The following PCDHA8 variants were observed in gnomAD, a reference collection of about 807,000 sequenced individuals.
The protein encoded by PCDHA8 is protocadherin alpha 8, also known as protocadherin alpha-8.
Under a neutral mutation model 61.8 loss-of-function variants are expected in PCDHA8, and 53 were observed. The ratio of observed to expected loss-of-function variants is 0.86; its 90% CI spans 0.69 to 1.08. The LOEUF is 1.08. PCDHA8 is among the 50% of genes least tolerant of loss of function. PCDHA8 has a pLI of 0.00. For synonymous variants in PCDHA8, 618 were observed against 556.6 expected (o/e 1.11, Z -1.55); for missense variants, 1,293 against 1,245.0 (o/e 1.04, Z -0.58).
intron 1 of PCDHA8, among the ~76,000 whole-genome samples, chr5:140,946,691 G>A (rs782114019): frequency 3.4e-5 from 5 of 147,578 alleles, no homozygotes; most frequent in African/African-American, 5.1e-5. Context: ...TGACAATATG[G>A]ATGAATCTGG....
In PCDHA8 at chr5:141,006,360, C is replaced by T. The variant is rs898915080; in HGVS notation, c.2543-3267C>T. ...CTGAGTAGCTGGGACTATAGGCGCC[C>T]ACCACCACGCCCGGCTAAGTTTTTT... On this transcript the variant is annotated intron_variant, in intron 3 of 3. Coordinates refer to ENST00000531613, the MANE Select transcript of PCDHA8 (RefSeq NM_018911.3). Among the ~76,000 whole-genome samples, 9 of 151,982 alleles carry T rather than the reference C, an allele frequency of 5.9e-5. 1 individual carries two copies. The highest frequency in any genetic ancestry group is 1.2e-4 in the Non-Finnish European group (8 of 67,998).
intron 1 of PCDHA8, chr5:140,864,013 A>T: frequency 6.5e-6 from 1 of 153,164 alleles, no homozygotes; most frequent in South Asian, 2.1e-4. Flanking sequence ...AAAAAAAAGT[A>T]CATTGGAAGT....
intron 1 of PCDHA8, among the ~76,000 whole-genome samples, chr5:140,919,139 C>T (rs1294020429): frequency 6.6e-6 from 1 of 152,120 alleles, no homozygotes; most frequent in Non-Finnish European, 1.5e-5. Context: ...TTTTGGGGCT[C>T]TATTATTAGA....
intron 1 of PCDHA8, chr5:140,871,063 G>A (rs377081112): frequency 1.2e-6 from 2 of 1,613,272 alleles, no homozygotes; most frequent in Non-Finnish European, 1.7e-6. Flanking sequence ...GAAGGATCAC[G>A]GTGAGCCGGC....
At chr5:140,858,533 T>C in intron 1 of PCDHA8, 4 of 1,397,322 alleles carry the variant, frequency 2.9e-6, no homozygotes, top group Non-Finnish European at 4.0e-6. Context: ...TTCATTTTTG[T>C]CTACATTCCA....
rs140058365 is a variant in PCDHA8 at position 140,928,379 on chromosome 5, G to A, written c.2395-50570G>A. 5.7e-4 allele frequency: 913 copies of A among 1,614,172 alleles called. 5 individuals are homozygous for A. The African/African-American group carries it at 0.01, about 18-fold the overall frequency. On this transcript the variant is annotated intron_variant, in intron 1 of 3. Transcript: ENST00000531613. ...ATCTCTGAAGGGCCATCAGCCTCTA[G>A]CTTGCTGGCAGTGGAATCATCCAGT...
At chr5:140,909,995 A>G (rs1315885700) in intron 1 of PCDHA8, among the ~76,000 whole-genome samples, 2 of 152,178 alleles carry the variant, frequency 1.3e-5, no homozygotes, top group African/African-American at 4.8e-5. Flanking sequence ...AACAGCATAA[A>G]TTGTTGTCAG....
At chr5:140,994,788 C>A (rs139745274) in intron 3 of PCDHA8, among the ~76,000 whole-genome samples, 6 of 152,076 alleles carry the variant, frequency 3.9e-5, no homozygotes, top group Admixed American at 3.9e-4. Flanking sequence ...GGAAACAATG[C>A]GTGCATGCAA....
chr5:140,939,510 A>G (rs2092401222), intron 1 of PCDHA8, among the ~76,000 whole-genome samples: 1 of 150,724 alleles, frequency 6.6e-6, no homozygotes, highest in Admixed American at 6.6e-5. Flanking sequence ...TGTCTATAAC[A>G]TTAATAGTTA....
chr5:140,850,045 T>A lies in PCDHA8; in HGVS notation c.2394+6330T>A, dbSNP rs782277317. 1.9e-6 allele frequency: 3 copies of A among 1,596,208 alleles called. No individual in the cohort carries two copies. Among genetic ancestry groups the A allele is most frequent in the Non-Finnish European group, 2.6e-6 (3 of 1,167,714 alleles). On this transcript the variant is annotated intron_variant, in intron 1 of 3. Transcript: ENST00000531613. ...TCAGTGCACGCGGAGAGCGGCAAGG[T>A]GTACGCGCTGCAGCCGTTGGACCAC... is the stretch of plus-strand genomic sequence containing the variant.
At chr5:140,914,809 T>G (rs532202561) in intron 1 of PCDHA8, among the ~76,000 whole-genome samples, 21 of 152,314 alleles carry the variant, frequency 1.4e-4, no homozygotes, top group African/African-American at 5.1e-4. Flanking sequence ...TGATGGCAAC[T>G]TAACAGACTG....
rs1023415818 is a variant in PCDHA8 at position 140,856,852 on chromosome 5, G to A, written c.2394+13137G>A. The stretch of plus-strand genomic sequence containing the variant: ...TAATACGGCTCAACGCTTCTGATTC[G>A]GATGAAGGAATAAACAAGGAAATGA... On this transcript the variant is annotated intron_variant, in intron 1 of 3. Coordinates refer to ENST00000531613, the MANE Select transcript of PCDHA8 (RefSeq NM_018911.3). 5.6e-6 allele frequency: 9 copies of A among 1,593,530 alleles called. No homozygotes were observed. In the African/African-American group the frequency reaches 8.1e-5, roughly 14 times the overall value.
chr5:140,849,985 G>A lies in PCDHA8; in HGVS notation c.2394+6270G>A, dbSNP rs2150461572. On this transcript the variant is annotated intron_variant, in intron 1 of 3. Coordinates refer to ENST00000531613, the MANE Select transcript of PCDHA8 (RefSeq NM_018911.3). ...CTGGTGTCCTACTCGCTGGTGGAGC[G>A]GCGGTTGGGCGAGCGCTCGCTGTCG... 42 of 1,597,276 alleles carry A rather than the reference G, an allele frequency of 2.6e-5. No homozygotes were observed. The East Asian group carries it at 9.4e-4, about 36-fold the overall frequency.
At chr5:140,872,049 T>A (rs2053460307) in intron 1 of PCDHA8, among the ~76,000 whole-genome samples, 1 of 152,248 alleles carries the variant, frequency 6.6e-6, no homozygotes, top group African/African-American at 2.4e-5. Context: ...ATTCTCCCAC[T>A]TCAGCCTCCA....
At chr5:140,896,071 A>G (rs551803461) in intron 1 of PCDHA8, among the ~76,000 whole-genome samples, 1 of 152,248 alleles carries the variant, frequency 6.6e-6, no homozygotes, top group African/African-American at 2.4e-5. Context: ...TCGGCCTCCC[A>G]ACATGCTGGG....
chr5:140,969,066 G>A (rs2096292938), intron 1 of PCDHA8: 2 of 1,614,144 alleles, frequency 1.2e-6, no homozygotes, highest in Admixed American at 3.3e-5. Context: ...ATTGATGCCA[G>A]GATACCGCAT....
rs188500854 is a variant in PCDHA8 at position 140,955,348 on chromosome 5, G to C, written c.2395-23601G>C. ...GTAGTTCCCATAATCCCCACATGTT[G>C]TGAGAGGGACCCAGTGGGAGGTAAT... On this transcript the variant is annotated intron_variant, in intron 1 of 3. Coordinates refer to ENST00000531613, the MANE Select transcript of PCDHA8 (RefSeq NM_018911.3). Among the ~76,000 whole-genome samples the C allele has an allele frequency of 1.6e-4, 24 of 152,204 alleles. No individual in the cohort carries two copies. The East Asian group carries it at 2.7e-3, about 17-fold the overall frequency.
At chr5:140,848,870 C>T (rs2040645245) in intron 1 of PCDHA8, 1 of 1,590,634 alleles carries the variant, frequency 6.3e-7, no homozygotes, top group African/African-American at 1.4e-5. Flanking sequence ...AGGTGAAGGA[C>T]ATTAACGACA....
intron 1 of PCDHA8, among the ~76,000 whole-genome samples, chr5:140,958,318 CA>C (rs2095417948): frequency 6.6e-6 from 1 of 151,816 alleles, no homozygotes; most frequent in Non-Finnish European, 1.5e-5. Flanking sequence ...AATTAGAGCT[CA>C]AAAAATAAAT....
Sources: gnomAD v4.1 joint callset for allele counts (sites outside exome capture counted in the v4.1 genomes callset) on GRCh38, gnomAD v4.1.1 for gene constraint, MANE v1.5 for transcripts, NCBI Gene and HGNC (gene_info 2026-07-23, HGNC 2026-07-21) for gene names.